Variants in TSTD2 observed in about 807,000 individuals in gnomAD.
The protein encoded by TSTD2 is thiosulfate sulfurtransferase like domain containing 2.
In TSTD2, 37 loss-of-function variants were observed where a neutral mutation model predicts 47.9. The ratio of observed to expected loss-of-function variants is 0.77; its 90% CI spans 0.59 to 1.02. The LOEUF (loss-of-function observed/expected upper bound fraction) is 1.02, where lower values mean the gene tolerates loss of function less well. TSTD2 is among the 50% of genes least tolerant of loss of function. The pLI is 0.00. For missense variants in TSTD2, 586 were observed against 616.0 expected (o/e 0.95, Z 0.52); for synonymous variants, 201 against 215.9 (o/e 0.93, Z 0.61).
Position 97,600,275 on chromosome 9 carries a change from G to C in TSTD2, c.*2194C>G. 3 of 986,382 alleles carry C rather than the reference G, an allele frequency of 3.0e-6. No homozygotes were observed. Among genetic ancestry groups the C allele is most frequent in the Non-Finnish European group, 3.6e-6 (3 of 830,358 alleles). The allele number at this position is 986,382 out of a possible 1,614,324, so 61.1% of individuals were successfully genotyped here. ...AGACTGAAGCCACTGAACTCTGCCAGGAGTCAACATGAGATTCCTTTTGCT... is the reference window on the plus strand; with the variant it reads ...AGACTGAAGCCACTGAACTCTGCCACGAGTCAACATGAGATTCCTTTTGCT... On this transcript the variant is annotated 3_prime_UTR_variant, in exon 10 of 10. Transcript: ENST00000341170.
At chr9:97,603,411 C>T (rs1055290907) in intron 9 of TSTD2, among the ~76,000 whole-genome samples, 1 of 152,200 alleles carries the variant, frequency 6.6e-6, no homozygotes, top group Non-Finnish European at 1.5e-5. Flanking sequence ...TACTCACACG[C>T]AGGTACCCAT....
At chr9:97,632,646 T>A (rs1045560401) in intron 1 of TSTD2, among the ~76,000 whole-genome samples, 8 of 151,810 alleles carry the variant, frequency 5.3e-5, no homozygotes, top group African/African-American at 1.5e-4. Context: ...CGGCCTCCCA[T>A]AAGTGTTAGG....
In TSTD2 at chr9:97,600,242, A is replaced by AGAT. The variant is rs1491274933; in HGVS notation, c.*2224_*2226dup. The stretch of plus-strand genomic sequence containing the variant: ...CAGAACACAATTTTCCCCTCAGAAC[A>AGAT]GATAGACAGACTGAAGCCACTGAAC... On this transcript the variant is annotated 3_prime_UTR_variant, in exon 10 of 10. Coordinates refer to ENST00000341170, the MANE Select transcript of TSTD2 (RefSeq NM_139246.5). 5.1e-6 allele frequency: 5 copies of AGAT among 988,284 alleles called. No individual in the cohort carries two copies. Among genetic ancestry groups the AGAT allele is most frequent in the Non-Finnish European group, 6.0e-6 (5 of 831,526 alleles). The allele number at this position is 988,284 out of a possible 1,614,324, so 61.2% of individuals were successfully genotyped here. A position where few individuals can be genotyped will look rare whatever the true frequency, so the allele number is the denominator to read the frequency against.
intron 4 of TSTD2, among the ~76,000 whole-genome samples, chr9:97,613,316 C>G (rs1826488803): frequency 6.6e-6 from 1 of 152,184 alleles, no homozygotes; most frequent in Non-Finnish European, 1.5e-5. Flanking sequence ...CACTGGAATA[C>G]AAGTTCCACA....
intron 9 of TSTD2, 150 bp downstream of exon 9, chr9:97,604,576 TG>T: frequency 8.3e-7 from 1 of 1,211,266 alleles, no homozygotes; most frequent in Non-Finnish European, 1.1e-6. Context: ...GCTCCACAGC[TG>T]GGAAAATGGT....
chr9:97,602,501 C>A lies in TSTD2; in HGVS notation c.1519G>T (p.Asp507Tyr). Residue 507 changes from aspartate to tyrosine, a missense_variant, in exon 10 of 10, where the codon GAT (aspartate) becomes TAT (tyrosine). Physicochemically the swap from Asp to Tyr is radical, Grantham distance 160. Coordinates refer to ENST00000341170, the MANE Select transcript of TSTD2 (RefSeq NM_139246.5). ...RQPVSPEPGP[D>Y]ADEDGPVLM ...AGCACTGGCCCATCCTCATCAGCAT[C>A]AGGCCCTGGCTCTGGGCTCACAGGC... The A allele has an allele frequency of 6.2e-7, 1 of 1,612,974 alleles. No homozygotes were observed. The highest frequency in any genetic ancestry group is 8.5e-7 in the Non-Finnish European group (1 of 1,179,384).
chr9:97,605,536 A>C lies in TSTD2; in HGVS notation c.1060T>G (p.Tyr354Asp), dbSNP rs1826350805. The C allele has an allele frequency of 6.2e-7, 1 of 1,614,086 alleles. No homozygotes were observed. The highest frequency in any genetic ancestry group is 1.6e-4 in the Middle Eastern group (1 of 6,082). The change falls in exon 8 of 10, where the codon TAC (tyrosine) becomes GAC (aspartate). Residue 354 changes from tyrosine (Y) to aspartate (D), a missense_variant. Physicochemically the swap from Tyr to Asp is radical, Grantham distance 160 (BLOSUM62 -3). Coordinates refer to ENST00000341170, the MANE Select transcript of TSTD2 (RefSeq NM_139246.5). The stretch of plus-strand genomic sequence containing the variant: ...TCACAGCGGATGCCCCCGGTACAGT[A>C]CATCAGCACTCTCTTCTCTCTGAAA... Reference protein sequence around the residue: ...ELFREKRVLMYCTGGIRCERG... With the variant: ...ELFREKRVLMDCTGGIRCERG...
intron 1 of TSTD2, among the ~76,000 whole-genome samples, chr9:97,628,860 G>A (rs754231034): frequency 2.6e-5 from 4 of 152,132 alleles, no homozygotes; most frequent in Non-Finnish European, 5.9e-5. Context: ...AGAGAACCAG[G>A]TGGAGAGGAA....
chr9:97,627,419 TTTC>T lies in TSTD2; in HGVS notation c.141_143del (p.Lys48del), dbSNP rs775217725. On this transcript the variant is annotated inframe_deletion, in exon 2 of 10. Coordinates refer to ENST00000341170, the MANE Select transcript of TSTD2 (RefSeq NM_139246.5). ...CTACCTTTTTCTTTGCAAACGAGTA[TTTC>T]TTTTTTGTACTGCCATCTAATTCTG... is the stretch of plus-strand genomic sequence containing the variant. The T allele has an allele frequency of 2.5e-6, 4 of 1,601,822 alleles. No homozygotes were observed. In the South Asian group the frequency reaches 4.5e-5, roughly 18 times the overall value.
intron 5 of TSTD2, among the ~76,000 whole-genome samples, chr9:97,611,304 C>T (rs1232575556): frequency 1.3e-5 from 2 of 152,050 alleles, no homozygotes; most frequent in South Asian, 2.1e-4. Context: ...TGATGCACGC[C>T]TATGGTCCTA....
chr9:97,623,991 G>A (rs1826679301), intron 3 of TSTD2, among the ~76,000 whole-genome samples: 2 of 152,160 alleles, frequency 1.3e-5, no homozygotes, highest in Admixed American at 1.3e-4. Flanking sequence ...TGTGCCTTAA[G>A]GATCTAGCTG....
chr9:97,611,992 C>CT (rs57632109), intron 4 of TSTD2, among the ~76,000 whole-genome samples: 1,532 of 152,240 alleles, frequency 0.01, 26 homozygotes, highest in African/African-American at 0.035. Context: ...CTTAGTTATG[C>CT]TCCTGATCCT....
At position 97,627,610 on chromosome 9, in the gene TSTD2, C is replaced by T; in HGVS notation, c.-48G>A. The stretch of plus-strand genomic sequence containing the variant: ...GCAGATATTCCTTTCAGTTAAATAC[C>T]TCCTAGAATATAAATAAGAAAGAAG... On this transcript the variant is annotated splice_region_variant and 5_prime_UTR_variant, in exon 2 of 10. Transcript: ENST00000341170. The T allele has an allele frequency of 6.8e-7, 1 of 1,471,112 alleles. No individual in the cohort carries two copies. The highest frequency in any genetic ancestry group is 2.3e-5 in the Admixed American group (1 of 44,062). 91.1% of individuals were successfully genotyped at this position (1,471,112 alleles called of 1,614,324 possible). A position where few individuals can be genotyped will look rare whatever the true frequency, so the allele number is the denominator to read the frequency against.
chr9:97,613,759 A>T (rs1455829111), intron 4 of TSTD2, among the ~76,000 whole-genome samples: 1 of 151,660 alleles, frequency 6.6e-6, no homozygotes, highest in Non-Finnish European at 1.5e-5. Context: ...TAATTTGAAA[A>T]TTTTTAATGG....
intron 1 of TSTD2, among the ~76,000 whole-genome samples, chr9:97,628,283 C>G (rs765298870): frequency 2.0e-5 from 3 of 152,132 alleles, no homozygotes; most frequent in African/African-American, 4.8e-5. Context: ...ACCATCATAC[C>G]ATGTTGGTTC....
At position 97,605,559 on chromosome 9, in the gene TSTD2, A is replaced by C; in HGVS notation, c.1037T>G (p.Phe346Cys). Residue 346 changes from phenylalanine (F) to cysteine (C), a missense_variant, in exon 8 of 10, where the codon TTC becomes TGC. Transcript: ENST00000341170. Reference protein sequence around the residue: ...PSYVDKNLELFREKRVLMYCT... With the variant: ...PSYVDKNLELCREKRVLMYCT... ...GTACATCAGCACTCTCTTCTCTCTG[A>C]AAAGTTCTAGATTTTTGTCAACGTA... The C allele has an allele frequency of 6.2e-7, 1 of 1,614,196 alleles. No individual in the cohort carries two copies. Among genetic ancestry groups the C allele is most frequent in the Non-Finnish European group, 8.5e-7 (1 of 1,180,034 alleles).
rs752205791 is a variant in TSTD2 at position 97,602,687 on chromosome 9, G to C, written c.1333C>G (p.Pro445Ala). ...PQCRQLVLTC[P>A]ACQGQGFTAC... The stretch of plus-strand genomic sequence containing the variant: ...GTGAATCCTTGTCCTTGACAGGCAG[G>C]GCAGGTCAAAACGAGCTGGCGGCAC... The change falls in exon 10 of 10, where the codon CCT becomes GCT. Residue 445 changes from proline (P) to alanine (A), a missense_variant. Coordinates refer to ENST00000341170, the MANE Select transcript of TSTD2 (RefSeq NM_139246.5). 12 of 1,614,098 alleles carry C rather than the reference G, an allele frequency of 7.4e-6. No homozygotes were observed. In the East Asian group the frequency reaches 1.8e-4, roughly 24 times the overall value.
rs996600897 is a variant in TSTD2 at position 97,602,673 on chromosome 9, T to C, written c.1347A>G (p.Gly449=). Residue 449 remains glycine (G), a synonymous_variant, in exon 10 of 10, where the codon GGA becomes GGG. Coordinates refer to ENST00000341170, the MANE Select transcript of TSTD2 (RefSeq NM_139246.5). ...QLVLTCPACQ[G]QGFTACCVTC... is the part of the protein sequence containing the mutation. ...TGACACAACAGGCTGTGAATCCTTG[T>C]CCTTGACAGGCAGGGCAGGTCAAAA... 5.0e-6 allele frequency: 8 copies of C among 1,614,214 alleles called. No homozygotes were observed. Among genetic ancestry groups the C allele is most frequent in the African/African-American group, 1.3e-5 (1 of 75,064 alleles).
intron 1 of TSTD2, among the ~76,000 whole-genome samples, chr9:97,627,986 C>G (rs571487932): frequency 6.6e-6 from 1 of 152,266 alleles, no homozygotes; most frequent in South Asian, 2.1e-4. Context: ...GTAGGAAAAG[C>G]CTTTCTGCAG....
Sources: gnomAD v4.1 joint callset for allele counts (sites outside exome capture counted in the v4.1 genomes callset) on GRCh38, gnomAD v4.1.1 for gene constraint, MANE v1.5 for transcripts, NCBI Gene and HGNC (gene_info 2026-07-23, HGNC 2026-07-21) for gene names.